The following FER1L6 variants were observed in gnomAD, a reference collection of about 807,000 sequenced individuals.
FER1L6 encodes fer-1-like protein 6.
In FER1L6, 177 loss-of-function variants were observed where a neutral mutation model predicts 219.2. The ratio of observed to expected loss-of-function variants is 0.81; its 90% CI spans 0.71 to 0.91. The LOEUF (loss-of-function observed/expected upper bound fraction) is 0.91. Among genes scored for constraint, FER1L6 ranks in the 40% least tolerant of loss-of-function variants. The pLI is 0.00. For synonymous variants in FER1L6, 768 were observed against 824.3 expected (o/e 0.93, Z 1.17); for missense variants, 2,153 against 2,259.9 (o/e 0.95, Z 0.96).
intron 12 of FER1L6, among the ~76,000 whole-genome samples, chr8:123,997,998 T>G (rs554621130): frequency 6.6e-6 from 1 of 152,248 alleles, no homozygotes; most frequent in Non-Finnish European, 1.5e-5. Flanking sequence ...CTTTCTGGAA[T>G]TGGTCACTAG....
chr8:124,113,821 A>G (rs1348526069), intron 39 of FER1L6, among the ~76,000 whole-genome samples: 2 of 152,214 alleles, frequency 1.3e-5, no homozygotes, highest in African/African-American at 4.8e-5. Flanking sequence ...GTTGTTTAAT[A>G]TGTGATACTG....
intron 1 of FER1L6, among the ~76,000 whole-genome samples, chr8:123,881,329 T>C (rs905020115): frequency 3.3e-5 from 5 of 151,968 alleles, no homozygotes; most frequent in African/African-American, 1.2e-4. Flanking sequence ...TGCTAGGGAG[T>C]TGGGATGAAA....
At chr8:123,967,307 C>T (rs1281729089) in intron 5 of FER1L6, among the ~76,000 whole-genome samples, 4 of 152,132 alleles carry the variant, frequency 2.6e-5, no homozygotes, top group Non-Finnish European at 5.9e-5. Flanking sequence ...GCATTCTATA[C>T]ACACTGTTCT....
intron 39 of FER1L6, among the ~76,000 whole-genome samples, chr8:124,104,166 T>C (rs748635931): frequency 3.9e-5 from 6 of 152,244 alleles, no homozygotes; most frequent in Non-Finnish European, 8.8e-5. Flanking sequence ...CTATCCATTC[T>C]TAATTGGATC....
chr8:123,980,649 C>T lies in FER1L6; in HGVS notation c.1248C>T (p.Ser416=), dbSNP rs1157353046. ...GACGGGCACAGGAATCTAAATTTTCCAAGGCCCTGAAGGAGCTCAAGTTGC... is the reference window on the plus strand; with the variant it reads ...GACGGGCACAGGAATCTAAATTTTCTAAGGCCCTGAAGGAGCTCAAGTTGC... ...LSGRAQESKF[S]KALKELKLPS... The change falls in exon 11 of 41, where the codon TCC becomes TCT. Residue 416 remains serine (S), a synonymous_variant. Coordinates refer to ENST00000522917, the MANE Select transcript of FER1L6 (RefSeq NM_001039112.2). 1.2e-6 allele frequency: 2 copies of T among 1,614,040 alleles called. No individual in the cohort carries two copies. The highest frequency in any genetic ancestry group is 1.7e-6 in the Non-Finnish European group (2 of 1,180,022).
rs762753428 is a variant in FER1L6 at position 124,035,294 on chromosome 8, G to C, written c.2304G>C (p.Pro768=). The change falls in exon 19 of 41, where the codon CCG becomes CCC. Residue 768 remains proline (P), a synonymous_variant. Transcript: ENST00000522917. ...THFLKPPGKR[P]AGWSVQAKVD... Reference sequence around the variant, plus strand: ...TTCTCCAGCCTCCTGGGAAACGACCGGCTGGTTGGTCTGTGCAAGCAAAAG... The same window carrying C: ...TTCTCCAGCCTCCTGGGAAACGACCCGCTGGTTGGTCTGTGCAAGCAAAAG... The C allele has an allele frequency of 1.2e-6, 2 of 1,613,632 alleles. No homozygotes were observed. Among genetic ancestry groups the C allele is most frequent in the Non-Finnish European group, 1.7e-6 (2 of 1,179,792 alleles).
chr8:124,067,662 T>G (rs1001857239), intron 27 of FER1L6, 105 bp from the exon 28 acceptor site: 19 of 1,032,380 alleles, frequency 1.8e-5, no homozygotes, highest in Non-Finnish European at 2.6e-5. Flanking sequence ...TTGAATACTC[T>G]TTTAAAATAG....
chr8:123,894,908 C>A (rs1317306978), intron 1 of FER1L6, among the ~76,000 whole-genome samples: 3 of 152,106 alleles, frequency 2.0e-5, no homozygotes, highest in Non-Finnish European at 4.4e-5. Flanking sequence ...AACTGTGAGT[C>A]TATATTGATA....
chr8:123,995,660 A>T (rs1186375791), intron 12 of FER1L6, among the ~76,000 whole-genome samples: 2 of 151,612 alleles, frequency 1.3e-5, no homozygotes, highest in East Asian at 3.9e-4. Flanking sequence ...TGTTGTTTAG[A>T]TTTCATTTAG....
chr8:123,947,228 A>G (rs1221530251), intron 1 of FER1L6, among the ~76,000 whole-genome samples: 1 of 151,758 alleles, frequency 6.6e-6, no homozygotes, highest in Admixed American at 6.6e-5. Flanking sequence ...GGAGGGCAAC[A>G]GAGCAAGACT....
intron 1 of FER1L6, among the ~76,000 whole-genome samples, chr8:123,929,214 T>C (rs1483270743): frequency 2.6e-5 from 4 of 152,238 alleles, no homozygotes; most frequent in East Asian, 1.9e-4. Context: ...ACACGTTTTA[T>C]TGAGTGGCTA....
At chr8:123,982,587 A>G (rs1246259220) in intron 11 of FER1L6, among the ~76,000 whole-genome samples, 1 of 152,164 alleles carries the variant, frequency 6.6e-6, no homozygotes, top group Non-Finnish European at 1.5e-5. Flanking sequence ...TTAGTTATCT[A>G]TGGCTGCATG....
At chr8:124,080,097 A>C (rs560050790) in intron 32 of FER1L6, among the ~76,000 whole-genome samples, 1 of 152,298 alleles carries the variant, frequency 6.6e-6, no homozygotes, top group South Asian at 2.1e-4. Flanking sequence ...CGAATGAATA[A>C]ATTAAAGAAT....
intron 13 of FER1L6, 59 bp from the exon 14 acceptor site, chr8:124,010,535 T>G: frequency 6.3e-7 from 1 of 1,598,674 alleles, no homozygotes; most frequent in Non-Finnish European, 8.5e-7. Flanking sequence ...AACGTGTGAC[T>G]GGGGTTGCCT....
Position 124,094,967 on chromosome 8 carries a change from G to A in FER1L6, c.4624G>A (p.Gly1542Arg), listed in dbSNP as rs1303016882. The A allele has an allele frequency of 1.9e-6, 3 of 1,614,008 alleles. No homozygotes were observed. The highest frequency in any genetic ancestry group is 2.7e-5 in the African/African-American group (2 of 74,922). Reference sequence around the variant, plus strand: ...CTCTTGGGAGGATATCCCGGAAGTCGGGTGTAGGCTGGTTCCTGAACACAT... The same window carrying A: ...CTCTTGGGAGGATATCCCGGAAGTCAGGTGTAGGCTGGTTCCTGAACACAT... ...LHSWEDIPEV[G>R]CRLVPEHIET... Residue 1542 changes from glycine to arginine, a missense_variant, in exon 35 of 41, where the codon GGG becomes AGG. Transcript: ENST00000522917.
chr8:124,046,083 A>G (rs1819720203), intron 21 of FER1L6, 182 bp downstream of exon 21: 1 of 580,330 alleles, frequency 1.7e-6, no homozygotes, highest in East Asian at 3.0e-5. Flanking sequence ...GGTGATGATC[A>G]TTTGCTTTAC....
chr8:124,096,493 G>A (rs1822297420), intron 35 of FER1L6, among the ~76,000 whole-genome samples: 1 of 152,016 alleles, frequency 6.6e-6, no homozygotes, highest in Middle Eastern at 3.2e-3. Flanking sequence ...CTCCTTTCTT[G>A]CCTAAGCTGA....
intron 22 of FER1L6, among the ~76,000 whole-genome samples, chr8:124,053,251 G>A (rs1370279913): frequency 6.6e-6 from 1 of 152,140 alleles, no homozygotes; most frequent in African/African-American, 2.4e-5. Context: ...TCCCTCCTGA[G>A]GTTGACAGCA....
Position 124,040,108 on chromosome 8 carries a change from G to C in FER1L6, c.2589+102G>C, listed in dbSNP as rs534857712. On this transcript the variant is annotated intron_variant, in intron 20 of 40. Transcript: ENST00000522917. ...CAACGGGGGCATGTTGCAAATACCT[G>C]CATCTTTGGGTGTGTAGATGTTTCA... 6.5e-5 allele frequency: 95 copies of C among 1,450,970 alleles called. No homozygotes were observed. In the East Asian group the frequency reaches 1.1e-3, roughly 17 times the overall value. The allele number at this position is 1,450,970 out of a possible 1,614,324, so 89.9% of individuals were successfully genotyped here.
Sources: allele counts gnomAD v4.1 joint callset (sites outside exome capture counted in the v4.1 genomes callset), GRCh38; gene constraint gnomAD v4.1.1; transcripts MANE v1.5; gene names NCBI Gene and HGNC (gene_info 2026-07-23, HGNC 2026-07-21).